The following PALD1 variants were observed in gnomAD, a reference collection of about 807,000 sequenced individuals.
PALD1 encodes paladin.
Under a neutral mutation model 96.0 loss-of-function variants are expected in PALD1, and 57 were observed. The ratio of observed to expected loss-of-function variants is 0.59; its 90% CI spans 0.48 to 0.74. The LOEUF (loss-of-function observed/expected upper bound fraction) is 0.74. Among genes scored for constraint, PALD1 ranks in the 30% least tolerant of loss-of-function variants. The probability of loss-of-function intolerance (pLI) is 0.00; values close to 1 mark genes in which losing one functional copy is unlikely to be tolerated. For synonymous variants in PALD1, 464 were observed against 473.6 expected (o/e 0.98, Z 0.26); for missense variants, 1,063 against 1,143.7 (o/e 0.93, Z 1.02).
intron 18 of PALD1, among the ~76,000 whole-genome samples, chr10:70,561,342 C>A (rs184562833): frequency 3.5e-4 from 53 of 152,356 alleles, no homozygotes; most frequent in Non-Finnish European, 6.2e-4. Flanking sequence ...CCCGGTGGAA[C>A]TGTGGGTGAT....
At chr10:70,492,591 G>T (rs1846119890) in intron 1 of PALD1, among the ~76,000 whole-genome samples, 1 of 151,424 alleles carries the variant, frequency 6.6e-6, no homozygotes. Flanking sequence ...TGAGTAGCTG[G>T]GATTACAGGT....
chr10:70,555,411 G>C lies in PALD1; in HGVS notation c.2262+7965G>C, dbSNP rs553534580. On this transcript the variant is annotated intron_variant, in intron 18 of 19. Coordinates refer to ENST00000263563, the MANE Select transcript of PALD1 (RefSeq NM_014431.3). Reference sequence around the variant, plus strand: ...AATGAAGTTTTGTGATTGGCTGGAGGCTGGACCAGAAGCTGGTTCCCAACT... The same window carrying C: ...AATGAAGTTTTGTGATTGGCTGGAGCCTGGACCAGAAGCTGGTTCCCAACT... 1.6e-4 allele frequency among the ~76,000 whole-genome samples: 25 copies of C among 152,338 alleles called. No individual in the cohort carries two copies. The South Asian group carries it at 1.7e-3, about 10-fold the overall frequency.
chr10:70,523,594 A>G (rs893553705), intron 1 of PALD1, among the ~76,000 whole-genome samples: 1 of 152,110 alleles, frequency 6.6e-6, no homozygotes, highest in Non-Finnish European at 1.5e-5. Flanking sequence ...CTGTTTGGGA[A>G]CATAGAGGCT....
the PALD1 span, among the ~76,000 whole-genome samples, chr10:70,469,239 C>T: frequency 1.3e-5 from 2 of 152,188 alleles, no homozygotes; most frequent in East Asian, 3.9e-4. Flanking sequence ...AAACATTCTA[C>T]CGTGGCCTTA....
intron 1 of PALD1, among the ~76,000 whole-genome samples, chr10:70,484,137 G>A (rs1398572514): frequency 6.6e-6 from 1 of 152,008 alleles, no homozygotes; most frequent in Non-Finnish European, 1.5e-5. Context: ...TGAGTAGCTG[G>A]GATTACAGGT....
At chr10:70,537,942 T>G in intron 11 of PALD1, 36 bp downstream of exon 11, 1 of 1,397,820 alleles carries the variant, frequency 7.2e-7, no homozygotes, top group South Asian at 1.2e-5. Context: ...CGTCCCCTCC[T>G]CCTGGGCCTC....
chr10:70,550,292 G>A (rs771523423), intron 18 of PALD1, among the ~76,000 whole-genome samples: 23 of 152,094 alleles, frequency 1.5e-4, no homozygotes, highest in Admixed American at 2.0e-4. Flanking sequence ...CCAAGGCTGA[G>A]AGCCACATAT....
At chr10:70,472,427 AT>A in the PALD1 span, among the ~76,000 whole-genome samples, 13 of 151,778 alleles carry the variant, frequency 8.6e-5, no homozygotes, top group Non-Finnish European at 1.8e-4. Context: ...TGCCTGGCTA[AT>A]TTTTGTATTT....
At chr10:70,564,255 T>C in intron 18 of PALD1, 109 bp from the exon 19 acceptor site, 2 of 1,197,610 alleles carry the variant, frequency 1.7e-6, no homozygotes, top group Non-Finnish European at 2.3e-6. Flanking sequence ...CGCCCTCAGC[T>C]CTGAGGCTGG....
intron 17 of PALD1, among the ~76,000 whole-genome samples, chr10:70,542,697 T>C (rs908034097): frequency 6.6e-6 from 1 of 152,224 alleles, no homozygotes; most frequent in Admixed American, 6.5e-5. Flanking sequence ...CACTATTTGC[T>C]TCCACCTTTT....
intron 1 of PALD1, among the ~76,000 whole-genome samples, chr10:70,495,814 G>C (rs1008566181): frequency 9.9e-5 from 15 of 150,884 alleles, no homozygotes; most frequent in Non-Finnish European, 4.4e-5. Context: ...AGGGGAGCCT[G>C]GGCAGCATAG....
chr10:70,494,008 G>T (rs1378405055), intron 1 of PALD1, among the ~76,000 whole-genome samples: 1 of 152,150 alleles, frequency 6.6e-6, no homozygotes, highest in African/African-American at 2.4e-5. Context: ...GTGGCTTCCA[G>T]GACACCATCA....
At chr10:70,466,468 C>A in the PALD1 span, among the ~76,000 whole-genome samples, 1 of 152,168 alleles carries the variant, frequency 6.6e-6, no homozygotes, top group Non-Finnish European at 1.5e-5. Context: ...TGCTCTTGAA[C>A]TCCTGACTTC....
rs1463855018 is a variant in PALD1 at position 70,567,220 on chromosome 10, G to C, written c.*487G>C. ...TGTTGCTGCCCAAGCACTGCCCTCG[G>C]GCGTCTGGCAGCCTGAGGTGGGTGG... On this transcript the variant is annotated 3_prime_UTR_variant, in exon 20 of 20. Transcript: ENST00000263563. 6.3e-6 allele frequency: 1 copy of C among 157,726 alleles called. No homozygotes were observed. The highest frequency in any genetic ancestry group is 1.4e-5 in the Non-Finnish European group (1 of 71,906). The allele number at this position is 157,726 out of a possible 1,614,324, so 9.8% of individuals were successfully genotyped here.
chr10:70,480,467 C>T (rs1845911080), intron 1 of PALD1, among the ~76,000 whole-genome samples: 1 of 152,174 alleles, frequency 6.6e-6, no homozygotes, highest in South Asian at 2.1e-4. Flanking sequence ...TGCATGCACC[C>T]CCCTCCCTTT....
chr10:70,501,835 G>GTGTGTGTGTGTGTGTGCGCA (rs1846302732), intron 1 of PALD1, among the ~76,000 whole-genome samples: 1 of 102,514 alleles, frequency 9.8e-6, no homozygotes, highest in Non-Finnish European at 2.4e-5. Context: ...GTGTGTGTGT[G>GTGTGTGTGTGTGTGTGCGCA]CGTGCGTGCA....
intron 1 of PALD1, among the ~76,000 whole-genome samples, chr10:70,489,931 T>C (rs1298245790): frequency 1.3e-5 from 2 of 151,486 alleles, no homozygotes; most frequent in African/African-American, 4.9e-5. Flanking sequence ...CTCTCTCTCT[T>C]TTTTTTCTTG....
At chr10:70,468,027 T>C in the PALD1 span, among the ~76,000 whole-genome samples, 683 of 152,238 alleles carry the variant, frequency 4.5e-3, 6 homozygotes, top group African/African-American at 0.015. Context: ...CAGGGGTTAT[T>C]TATCCCATTT....
chr10:70,460,792 A>C, the PALD1 span, among the ~76,000 whole-genome samples: 2 of 152,156 alleles, frequency 1.3e-5, no homozygotes, highest in Non-Finnish European at 2.9e-5. Flanking sequence ...CAGGTGGCTC[A>C]CGCCTGTAAT....
Sources: gnomAD v4.1 joint callset for allele counts (sites outside exome capture counted in the v4.1 genomes callset) on GRCh38, gnomAD v4.1.1 for gene constraint, MANE v1.5 for transcripts, NCBI Gene and HGNC (gene_info 2026-07-23, HGNC 2026-07-21) for gene names.